RNF19B: variants seen among roughly 807,000 people sequenced by gnomAD.
RNF19B encodes E3 ubiquitin-protein ligase RNF19B.
Under a neutral mutation model 65.5 loss-of-function variants are expected in RNF19B, and 23 were observed. The observed-to-expected ratio is 0.35, with a 90% CI of 0.25 to 0.50. The LOEUF (loss-of-function observed/expected upper bound fraction) is 0.50, where lower values mean the gene tolerates loss of function less well. Among genes scored for constraint, RNF19B ranks in the 20% least tolerant of loss-of-function variants. The pLI, the probability that RNF19B is intolerant of heterozygous loss-of-function variation, is 0.98. For missense variants in RNF19B, 794 were observed against 980.0 expected (o/e 0.81, Z 2.53); for synonymous variants, 372 against 379.6 (o/e 0.98, Z 0.23).
At chr1:32,934,988 C>T (rs112382491), downstream of RNF19B, among the ~76,000 whole-genome samples, 1,845 of 148,898 alleles carry the variant, frequency 0.012, 32 homozygotes, top group African/African-American at 0.042. Flanking sequence ...TGCGCCACCA[C>T]GCCCAGCTAA....
chr1:32,953,247 T>C (rs1353104699), intron 1 of RNF19B, among the ~76,000 whole-genome samples: 1 of 152,026 alleles, frequency 6.6e-6, no homozygotes, highest in Non-Finnish European at 1.5e-5. Flanking sequence ...GCATTGGGAT[T>C]ACAGGCGTGA....
intron 7 of RNF19B, among the ~76,000 whole-genome samples, chr1:32,939,509 T>C (rs529237684): frequency 6.6e-6 from 1 of 152,320 alleles, no homozygotes; most frequent in Non-Finnish European, 1.5e-5. Context: ...CACTTGTCTG[T>C]TAACTCCACA....
Position 32,936,739 on chromosome 1 carries a change from A to G in RNF19B, c.*67T>C. The G allele has an allele frequency of 7.0e-7, 1 of 1,431,142 alleles. No individual in the cohort carries two copies. 88.7% of individuals were successfully genotyped at this position (1,431,142 alleles called of 1,614,324 possible). On this transcript the variant is annotated 3_prime_UTR_variant, in exon 9 of 9. Transcript: ENST00000235150. ...CATAAATCTCTACCCCTTGGAAAAA[A>G]AAAAAAAAAAATTCCAAAAGATGCA... is the stretch of plus-strand genomic sequence containing the variant.
Position 32,949,739 on chromosome 1 carries a change from G to C in RNF19B, c.671C>G (p.Pro224Arg). The change falls in exon 2 of 9, where the codon CCG becomes CGG. Residue 224 changes from proline to arginine, a missense_variant. Physicochemically the swap from Pro to Arg is moderately radical, Grantham distance 103 (BLOSUM62 -2). This residue lies in a region of RNF19B where 374 missense variants were observed against 423.8 expected (regional missense o/e 0.88). Coordinates refer to ENST00000235150, the MANE Select transcript of RNF19B (RefSeq NM_001300826.2). ...ACCTTCCCTCTCACAAGTTAGCTTC[G>C]GGCAGCTGGCACAGCCATAGGCAAT... ...AVIAYGCASC[P>R]KLTCEREGCQ... The C allele has an allele frequency of 1.2e-6, 2 of 1,613,728 alleles. No homozygotes were observed. The highest frequency in any genetic ancestry group is 1.7e-6 in the Non-Finnish European group (2 of 1,179,968).
chr1:32,950,740 T>C (rs911894603), intron 1 of RNF19B, among the ~76,000 whole-genome samples: 3 of 152,066 alleles, frequency 2.0e-5, no homozygotes, highest in East Asian at 1.9e-4. Context: ...TTTCGCCCCA[T>C]TGCCCAGGCT....
At chr1:32,959,468 CAG>C (rs1465956038) in intron 1 of RNF19B, among the ~76,000 whole-genome samples, 1 of 152,092 alleles carries the variant, frequency 6.6e-6, no homozygotes, top group Non-Finnish European at 1.5e-5. Context: ...CATACTTGGG[CAG>C]AGACTCAAAA....
At chr1:32,936,085 C>A (rs1258510715), downstream of RNF19B, among the ~76,000 whole-genome samples, 1 of 152,142 alleles carries the variant, frequency 6.6e-6, no homozygotes, top group African/African-American at 2.4e-5. Flanking sequence ...GGGACTGCCA[C>A]TCCTTCTCTC....
intron 3 of RNF19B, among the ~76,000 whole-genome samples, 158 bp from the exon 4 acceptor site, chr1:32,946,722 C>T (rs572837952): frequency 1.3e-5 from 2 of 152,302 alleles, no homozygotes; most frequent in African/African-American, 2.4e-5. Flanking sequence ...AGGACAAGGC[C>T]AGACTATTAG....
rs1233865327 is a variant in RNF19B at position 32,936,769 on chromosome 1, C to G, written c.*37G>C. 22 of 1,447,992 alleles carry G rather than the reference C, an allele frequency of 1.5e-5. No individual in the cohort carries two copies. Among genetic ancestry groups the G allele is most frequent in the African/African-American group, 2.9e-5 (2 of 70,084 alleles). 89.7% of individuals were successfully genotyped at this position (1,447,992 alleles called of 1,614,324 possible). On this transcript the variant is annotated 3_prime_UTR_variant, in exon 9 of 9. Coordinates refer to ENST00000235150, the MANE Select transcript of RNF19B (RefSeq NM_001300826.2). ...AAAAAAATTCCAAAAGATGCAGTTACAAGTGTGCTTCTCAGAACAGGAGCA... is the reference window on the plus strand; with the variant it reads ...AAAAAAATTCCAAAAGATGCAGTTAGAAGTGTGCTTCTCAGAACAGGAGCA...
intron 1 of RNF19B, among the ~76,000 whole-genome samples, chr1:32,957,372 G>A (rs1255009497): frequency 2.6e-5 from 4 of 152,082 alleles, no homozygotes; most frequent in African/African-American, 4.8e-5. Context: ...AAGAGCACCC[G>A]TATTTTCTTT....
downstream of RNF19B, among the ~76,000 whole-genome samples, chr1:32,932,239 A>C (rs558243980): frequency 5.9e-5 from 9 of 152,328 alleles, no homozygotes; most frequent in South Asian, 1.9e-3. Flanking sequence ...AGCAATTAGG[A>C]GGCCACTACA....
chr1:32,957,567 C>CT (rs1400708592), intron 1 of RNF19B, among the ~76,000 whole-genome samples: 5 of 152,186 alleles, frequency 3.3e-5, no homozygotes, highest in Admixed American at 3.3e-4. Context: ...GGTGTGGTGG[C>CT]TCACACCTGT....
downstream of RNF19B, among the ~76,000 whole-genome samples, chr1:32,935,937 C>T (rs918267797): frequency 4.0e-5 from 6 of 151,858 alleles, no homozygotes; most frequent in Non-Finnish European, 8.8e-5. Flanking sequence ...TTAATAGAGG[C>T]GTGGTTTCAC....
Position 32,936,580 on chromosome 1 carries a change from A to C in RNF19B, c.*226T>G. The C allele has an allele frequency of 2.2e-6, 1 of 460,258 alleles. No individual in the cohort carries two copies. The highest frequency in any genetic ancestry group is 3.8e-6 in the Non-Finnish European group (1 of 260,550). 28.5% of individuals were successfully genotyped at this position (460,258 alleles called of 1,614,324 possible). Reference sequence around the variant, plus strand: ...CTGCCATCAGTTTAACCAATAAATTAAAACTAAAAAGAGGGAGGGGAGGGG... The same window carrying C: ...CTGCCATCAGTTTAACCAATAAATTCAAACTAAAAAGAGGGAGGGGAGGGG... On this transcript the variant is annotated 3_prime_UTR_variant, in exon 9 of 9. Transcript: ENST00000235150.
In RNF19B at chr1:32,964,391, G is replaced by C. The variant is rs1642850623; in HGVS notation, c.295C>G (p.Pro99Ala). The C allele has an allele frequency of 7.6e-7, 1 of 1,315,884 alleles. No individual in the cohort carries two copies. The allele number at this position is 1,315,884 out of a possible 1,614,324, so 81.5% of individuals were successfully genotyped here. A position where few individuals can be genotyped will look rare whatever the true frequency, so the allele number is the denominator to read the frequency against. Reference sequence around the variant, plus strand: ...GCCGCCTCCTCATCGTCGAACCCAGGCTCCGCCGCCGCCGCCGCGGCCTCC... The same window carrying C: ...GCCGCCTCCTCATCGTCGAACCCAGCCTCCGCCGCCGCCGCCGCGGCCTCC... ...EAEAAAAAAE[P>A]GFDDEEAAEG... Residue 99 changes from proline to alanine, a missense_variant, in exon 1 of 9, where the codon CCT becomes GCT. Around this residue, in one of 3 missense-constraint regions of RNF19B, gnomAD observed 374 missense variants for 423.8 expected, o/e 0.88. Coordinates refer to ENST00000235150, the MANE Select transcript of RNF19B (RefSeq NM_001300826.2). This position sits in a 1 kb window ranked among gnomAD's most constrained non-coding sequence, Gnocchi z 6.5.
At chr1:32,957,689 C>T (rs1642672253) in intron 1 of RNF19B, among the ~76,000 whole-genome samples, 1 of 152,156 alleles carries the variant, frequency 6.6e-6, no homozygotes, top group African/African-American at 2.4e-5. Flanking sequence ...CAAACATTAG[C>T]TGGACATTGT....
At chr1:32,959,836 G>C (rs1007277589) in intron 1 of RNF19B, among the ~76,000 whole-genome samples, 35 of 143,806 alleles carry the variant, frequency 2.4e-4, no homozygotes, top group Non-Finnish European at 2.7e-4. Context: ...AGGAGATCGA[G>C]ACCATCCTAG....
chr1:32,949,778 G>C lies in RNF19B; in HGVS notation c.636-4C>G. 1 of 1,610,930 alleles carries C rather than the reference G, an allele frequency of 6.2e-7. No homozygotes were observed. The highest frequency in any genetic ancestry group is 8.5e-7 in the Non-Finnish European group (1 of 1,178,592). On this transcript the variant is annotated splice_region_variant and splice_polypyrimidine_tract_variant and intron_variant, in intron 1 of 8. Coordinates refer to ENST00000235150, the MANE Select transcript of RNF19B (RefSeq NM_001300826.2). Reference sequence around the variant, plus strand: ...GCCATAGGCAATAACAGCATAACTAGGTAAGGAAACAGTAAGAGATACCAG... The same window carrying C: ...GCCATAGGCAATAACAGCATAACTACGTAAGGAAACAGTAAGAGATACCAG...
rs1376172453 is a variant in RNF19B, at chr1:32,936,710, A to G, written c.*96T>C. ...TGTGACCAGAGAATCTGTGAAATAA[A>G]ATACATAAATCTCTACCCCTTGGAA... On this transcript the variant is annotated 3_prime_UTR_variant, in exon 9 of 9. Transcript: ENST00000235150. The G allele has an allele frequency of 1.2e-5, 14 of 1,170,490 alleles. No individual in the cohort carries two copies. The highest frequency in any genetic ancestry group is 1.5e-5 in the Non-Finnish European group (13 of 876,856). The allele number at this position is 1,170,490 out of a possible 1,614,324, so 72.5% of individuals were successfully genotyped here.
Sources: gnomAD v4.1 joint callset for allele counts (sites outside exome capture counted in the v4.1 genomes callset) on GRCh38, gnomAD v4.1.1 for gene constraint, gnomAD v4.1.1 regional missense constraint, Gnocchi (gnomAD v3.1) non-coding constraint, MANE v1.5 for transcripts, NCBI Gene and HGNC (gene_info 2026-07-23, HGNC 2026-07-21) for gene names.